NRXN3: variants seen among roughly 807,000 people sequenced by gnomAD.
NRXN3 encodes the protein neurexin III.
Under a neutral mutation model 137.6 loss-of-function variants are expected in NRXN3, and 32 were observed. That is an observed-to-expected ratio of 0.23 (90% CI 0.18 to 0.31). The LOEUF (loss-of-function observed/expected upper bound fraction) is 0.31, where lower values mean the gene tolerates loss of function less well. NRXN3 is among the 10% of genes least tolerant of loss of function. The probability of loss-of-function intolerance (pLI) is 1.00; values close to 1 mark genes in which losing one functional copy is unlikely to be tolerated. For missense variants in NRXN3, 1,574 were observed against 2,062.5 expected (o/e 0.76, Z 4.59); for synonymous variants, 798 against 784.5 (o/e 1.02, Z -0.29).
rs146445901 is a variant in NRXN3 at position 78,332,057 on chromosome 14, G to A, written c.757+34197G>A. On this transcript the variant is annotated intron_variant, in intron 4 of 20. Coordinates refer to ENST00000335750, the MANE Select transcript of NRXN3 (RefSeq NM_001330195.2). ...GGCTCTGCCTCTATCCTTATCAACT[G>A]TGTGACTTTGGGCAAGTCATTTAAC... Among the ~76,000 whole-genome samples the A allele has an allele frequency of 5.2e-3, 799 of 152,240 alleles. 3 individuals are homozygous for A. Among genetic ancestry groups the A allele is most frequent in the Non-Finnish European group, 8.3e-3 (564 of 68,012 alleles).
chr14:79,210,401 A>G (rs1400078552), intron 15 of NRXN3, among the ~76,000 whole-genome samples: 1 of 152,182 alleles, frequency 6.6e-6, no homozygotes, highest in African/African-American at 2.4e-5. Flanking sequence ...AATGAACAAG[A>G]TAATCAAATT....
At chr14:78,710,886 C>T (rs1373321521) in intron 7 of NRXN3, among the ~76,000 whole-genome samples, 2 of 152,192 alleles carry the variant, frequency 1.3e-5, no homozygotes, top group Admixed American at 1.3e-4. Context: ...TGTCTGAAAT[C>T]TGATCAGAAC....
intron 15 of NRXN3, among the ~76,000 whole-genome samples, chr14:79,275,318 GA>G (rs141471525): frequency 1.4e-4 from 21 of 149,770 alleles, no homozygotes; most frequent in African/African-American, 4.7e-4. Context: ...TTCATATTTG[GA>G]AAAAAAAAGG....
chr14:79,649,108 CTCT>C (rs1255816231), intron 16 of NRXN3, among the ~76,000 whole-genome samples: 1 of 152,162 alleles, frequency 6.6e-6, no homozygotes, highest in Non-Finnish European at 1.5e-5. Flanking sequence ...ATCTCCCCTC[CTCT>C]TCTTTAAGTT....
chr14:79,303,637 G>A (rs12884271), intron 15 of NRXN3, among the ~76,000 whole-genome samples: 3,391 of 152,042 alleles, frequency 0.022, 102 homozygotes, highest in Admixed American at 0.088. Flanking sequence ...TTTGTTGGGG[G>A]TGGGGGGCTA....
intron 4 of NRXN3, among the ~76,000 whole-genome samples, chr14:78,445,286 C>T (rs557032166): frequency 2.0e-5 from 3 of 152,290 alleles, no homozygotes; most frequent in South Asian, 2.1e-4. Context: ...TCTTGATCTA[C>T]TAGCTCTGCA....
Position 79,697,912 on chromosome 14 carries a change from A to C in NRXN3, c.3989A>C (p.Lys1330Thr), listed in dbSNP as rs146615302. The C allele has an allele frequency of 3.0e-5, 48 of 1,612,242 alleles. No individual in the cohort carries two copies. Among genetic ancestry groups the C allele is most frequent in the Admixed American group, 6.7e-5 (4 of 59,890 alleles). Residue 1330 changes from lysine (K) to threonine (T), a missense_variant, in exon 19 of 21, where the codon AAG (lysine) becomes ACG (threonine). By Grantham distance (78) the Lys-to-Thr change is moderately conservative. Around this residue, in one of 5 missense-constraint regions of NRXN3, gnomAD observed 320 missense variants for 387.1 expected, o/e 0.83. Coordinates refer to ENST00000335750, the MANE Select transcript of NRXN3 (RefSeq NM_001330195.2). ...TTTMATTTTR[K>T]NRSTASIQPT... ...ACAATGGCGACTACCACAACCCGTAAGAATCGCTCTACAGCCAGCATTCAG... is the reference window on the plus strand; with the variant it reads ...ACAATGGCGACTACCACAACCCGTACGAATCGCTCTACAGCCAGCATTCAG...
chr14:79,030,778 A>T (rs372217191), intron 15 of NRXN3, among the ~76,000 whole-genome samples: 84 of 150,850 alleles, frequency 5.6e-4, no homozygotes, highest in African/African-American at 2.0e-3. Flanking sequence ...TATTATCAAT[A>T]TCTTACTACC....
intron 15 of NRXN3, among the ~76,000 whole-genome samples, chr14:79,443,755 A>G (rs576172016): frequency 2.9e-4 from 44 of 152,294 alleles, no homozygotes; most frequent in South Asian, 4.2e-4. Context: ...ATTCCTTGCT[A>G]TTTTTAGTTC....
At chr14:79,823,866 A>G (rs2099280344) in intron 20 of NRXN3, 1 of 443,070 alleles carries the variant, frequency 2.3e-6, no homozygotes, top group South Asian at 1.6e-5. Flanking sequence ...ATAGCTTAAC[A>G]CATTAGTTCC....
intron 16 of NRXN3, 147 bp from the exon 17 acceptor site, chr14:79,663,631 A>G: frequency 1.4e-6 from 1 of 693,038 alleles, no homozygotes. Context: ...GCTCATGGAG[A>G]AATGTAGAAT....
chr14:79,599,874 A>G (rs2097904123), intron 16 of NRXN3, among the ~76,000 whole-genome samples: 1 of 152,238 alleles, frequency 6.6e-6, no homozygotes, highest in African/African-American at 2.4e-5. Flanking sequence ...ACACGCCTGT[A>G]ATCCCAGCTG....
At chr14:79,394,432 C>A (rs1161240415) in intron 15 of NRXN3, among the ~76,000 whole-genome samples, 9 of 152,180 alleles carry the variant, frequency 5.9e-5, no homozygotes. Flanking sequence ...AAAGAACTTG[C>A]TCCAAATCAT....
intron 15 of NRXN3, among the ~76,000 whole-genome samples, chr14:79,110,107 A>G (rs1387716628): frequency 6.6e-6 from 1 of 152,184 alleles, no homozygotes; most frequent in African/African-American, 2.4e-5. Context: ...AATTATTTGT[A>G]TTATGTTATA....
At chr14:79,498,535 A>G (rs1190507154) in intron 16 of NRXN3, among the ~76,000 whole-genome samples, 2 of 152,202 alleles carry the variant, frequency 1.3e-5, no homozygotes, top group African/African-American at 4.8e-5. Context: ...TTGTCTCAGT[A>G]ATTCCAACAT....
intron 15 of NRXN3, among the ~76,000 whole-genome samples, chr14:79,045,231 C>T (rs747649045): frequency 6.6e-6 from 1 of 152,050 alleles, no homozygotes; most frequent in Non-Finnish European, 1.5e-5. Flanking sequence ...CTACCCACAC[C>T]CCTCCTTCTT....
At chr14:79,282,178 C>T (rs2081378686) in intron 15 of NRXN3, among the ~76,000 whole-genome samples, 1 of 151,182 alleles carries the variant, frequency 6.6e-6, no homozygotes, top group South Asian at 2.1e-4. Flanking sequence ...ATTTCATTGA[C>T]ATGGAAACTT....
chr14:78,323,222 G>A (rs1018516872), intron 4 of NRXN3, among the ~76,000 whole-genome samples: 1 of 151,996 alleles, frequency 6.6e-6, no homozygotes, highest in Non-Finnish European at 1.5e-5. Context: ...TTTCATTTTT[G>A]TGGGGGATGA....
intron 15 of NRXN3, among the ~76,000 whole-genome samples, chr14:79,180,851 A>G (rs2062844819): frequency 6.6e-6 from 1 of 152,124 alleles, no homozygotes; most frequent in African/African-American, 2.4e-5. Context: ...CGTCATTACT[A>G]CGTACTACAG....
Sources: gnomAD v4.1 joint callset for allele counts (sites outside exome capture counted in the v4.1 genomes callset) on GRCh38, gnomAD v4.1.1 for gene constraint, gnomAD v4.1.1 regional missense constraint, MANE v1.5 for transcripts, NCBI Gene and HGNC (gene_info 2026-07-23, HGNC 2026-07-21) for gene names.